SPAG9: variants seen among roughly 807,000 people sequenced by gnomAD.
SPAG9 encodes sperm associated antigen 9.
In SPAG9, 35 loss-of-function variants were observed where a neutral mutation model predicts 166.5. The ratio of observed to expected loss-of-function variants is 0.21; its 90% confidence interval spans 0.16 to 0.28. The LOEUF is 0.28. Ranked by LOEUF, SPAG9 falls within the 10% of genes least tolerant of loss-of-function variation. The pLI is 1.00. For missense variants in SPAG9, 1,235 were observed against 1,603.3 expected (o/e 0.77, Z 3.92); for synonymous variants, 534 against 565.5 (o/e 0.94, Z 0.79).
intron 26 of SPAG9, among the ~76,000 whole-genome samples, chr17:50,978,756 G>A (rs1158354623): frequency 6.6e-6 from 1 of 152,176 alleles, no homozygotes; most frequent in Non-Finnish European, 1.5e-5. Context: ...CCTGAAATGG[G>A]AAGGAGCTTG....
At chr17:51,091,061 A>C (rs1322532615) in intron 1 of SPAG9, among the ~76,000 whole-genome samples, 1 of 152,022 alleles carries the variant, frequency 6.6e-6, no homozygotes, top group African/African-American at 2.4e-5. Flanking sequence ...CAGGAGTTCG[A>C]CACCAGCCTG....
intron 3 of SPAG9, among the ~76,000 whole-genome samples, chr17:51,050,722 T>TA (rs78381217): frequency 0.011 from 1,555 of 142,360 alleles, 12 homozygotes; most frequent in East Asian, 0.047. Context: ...TCACTCAGGT[T>TA]AAAAAAAAAA....
Position 50,995,044 on chromosome 17 carries a change from T to TAC in SPAG9, c.2226+11_2226+12dup. The TAC allele has an allele frequency of 1.2e-6, 2 of 1,604,014 alleles. No individual in the cohort carries two copies. Among genetic ancestry groups the TAC allele is most frequent in the Non-Finnish European group, 1.7e-6 (2 of 1,173,556 alleles). The stretch of plus-strand genomic sequence containing the variant: ...TCTCATAAACCAGGTCAAATGTTAG[T>TAC]ACACACACTTACCTTAAGTTCCTGA... On this transcript the variant is annotated intron_variant, in intron 18 of 29. Coordinates refer to ENST00000262013, the MANE Select transcript of SPAG9 (RefSeq NM_001130528.3).
chr17:50,976,080 G>C (rs1309035937), intron 27 of SPAG9, among the ~76,000 whole-genome samples: 2 of 151,952 alleles, frequency 1.3e-5, no homozygotes, highest in African/African-American at 4.8e-5. Flanking sequence ...TCTTCCCAAG[G>C]CTTCTATTAG....
At chr17:51,072,419 A>G (rs947972794) in intron 2 of SPAG9, among the ~76,000 whole-genome samples, 5 of 149,198 alleles carry the variant, frequency 3.4e-5, no homozygotes, top group African/African-American at 1.2e-4. Flanking sequence ...ATGGTGGTTC[A>G]TGCCTGTAAT....
intron 4 of SPAG9, chr17:51,046,464 C>A: frequency 6.9e-7 from 1 of 1,450,460 alleles, no homozygotes; most frequent in African/African-American, 1.4e-5. Flanking sequence ...TAATAAAAAC[C>A]AGCTAAGCAG....
At chr17:51,024,771 G>A (rs561600896) in intron 6 of SPAG9, among the ~76,000 whole-genome samples, 6 of 151,674 alleles carry the variant, frequency 4.0e-5, no homozygotes, top group South Asian at 4.2e-4. Context: ...CAGCTACTTC[G>A]GAGGCTGAGG....
At chr17:50,976,018 T>A in intron 27 of SPAG9, 1 of 737,674 alleles carries the variant, frequency 1.4e-6, no homozygotes, top group Non-Finnish European at 2.3e-6. Context: ...TCAAAGCCCC[T>A]AACGAAAATA....
At chr17:51,102,941 A>G (rs1174602683) in intron 1 of SPAG9, among the ~76,000 whole-genome samples, 3 of 152,064 alleles carry the variant, frequency 2.0e-5, no homozygotes, top group South Asian at 2.1e-4. Context: ...TTCCTACAAT[A>G]CTTCTGAAAG....
chr17:51,071,212 C>T (rs549423540), intron 2 of SPAG9, among the ~76,000 whole-genome samples: 2 of 152,224 alleles, frequency 1.3e-5, no homozygotes, highest in South Asian at 2.1e-4. Flanking sequence ...ACTTGCTTGA[C>T]TCAAATTTTA....
chr17:50,999,206 T>C (rs1055368734), intron 14 of SPAG9, among the ~76,000 whole-genome samples: 1 of 152,184 alleles, frequency 6.6e-6, no homozygotes, highest in East Asian at 1.9e-4. Context: ...AGTAAACACA[T>C]AGTACTTCTA....
intron 3 of SPAG9, among the ~76,000 whole-genome samples, chr17:51,056,013 A>C (rs1320852795): frequency 6.6e-6 from 1 of 152,158 alleles, no homozygotes; most frequent in Non-Finnish European, 1.5e-5. Context: ...TTTACAATGG[A>C]TAATAGATGT....
chr17:51,054,116 CTTTTTTTTT>C lies in SPAG9; in HGVS notation c.495+2287_495+2295del, dbSNP rs1157639358. On this transcript the variant is annotated intron_variant, in intron 3 of 29. Coordinates refer to ENST00000262013, the MANE Select transcript of SPAG9 (RefSeq NM_001130528.3). ...AACAAATGTCATTAAAATGTGAGGG[CTTTTTTTTT>C]TTTTTTTTTTTTTTGGAGACAGGGT... Among the ~76,000 whole-genome samples, 5 of 73,948 alleles carry C rather than the reference CTTTTTTTTT, an allele frequency of 6.8e-5. No individual in the cohort carries two copies. The Admixed American group carries it at 1.0e-3, about 15-fold the overall frequency. 48.5% of individuals were successfully genotyped at this position (73,948 alleles called of 152,430 possible). A position where few individuals can be genotyped will look rare whatever the true frequency, so the allele number is the denominator to read the frequency against.
chr17:50,992,116 G>A (rs1003780207), intron 19 of SPAG9, among the ~76,000 whole-genome samples: 1 of 151,302 alleles, frequency 6.6e-6, no homozygotes, highest in African/African-American at 2.4e-5. Flanking sequence ...TCAAACTTCT[G>A]GGCTCAAGTG....
intron 19 of SPAG9, chr17:50,990,877 CA>C (rs1310823031): frequency 4.1e-6 from 2 of 484,816 alleles, no homozygotes; most frequent in Admixed American, 7.4e-5. Context: ...AACACAAGTG[CA>C]AATAAACATA....
chr17:51,091,148 C>G (rs1167859422), intron 1 of SPAG9, among the ~76,000 whole-genome samples: 2 of 151,426 alleles, frequency 1.3e-5, no homozygotes, highest in Non-Finnish European at 2.9e-5. Context: ...TGGTGTGCAT[C>G]TGTAGTCCCA....
At chr17:51,106,778 T>C (rs564711525) in intron 1 of SPAG9, among the ~76,000 whole-genome samples, 12 of 138,998 alleles carry the variant, frequency 8.6e-5, no homozygotes, top group Admixed American at 2.9e-4. Flanking sequence ...GTCTGGGCAA[T>C]AGAGCAAGAC....
intron 18 of SPAG9, among the ~76,000 whole-genome samples, chr17:50,994,790 T>C (rs1034510759): frequency 1.3e-5 from 2 of 152,196 alleles, no homozygotes; most frequent in African/African-American, 4.8e-5. Context: ...AGAACAATGA[T>C]AAAATGTTCC....
At chr17:51,095,935 A>T (rs1598173048) in intron 1 of SPAG9, among the ~76,000 whole-genome samples, 1 of 132,732 alleles carries the variant, frequency 7.5e-6, no homozygotes, top group Non-Finnish European at 1.6e-5. Context: ...TGATATATAT[A>T]GTGATATAGT....
Sources: gnomAD v4.1 joint callset for allele counts (sites outside exome capture counted in the v4.1 genomes callset) on GRCh38, gnomAD v4.1.1 for gene constraint, MANE v1.5 for transcripts, NCBI Gene and HGNC (gene_info 2026-07-23, HGNC 2026-07-21) for gene names.